The following ROBO1 variants were observed in gnomAD, a reference collection of about 807,000 sequenced individuals.
The protein encoded by ROBO1 is roundabout homolog 1.
In ROBO1, 149 loss-of-function variants were observed where a neutral mutation model predicts 195.9. The observed-to-expected ratio is 0.76, with a 90% confidence interval of 0.67 to 0.87. ROBO1 has a LOEUF of 0.87. Ranked by LOEUF, ROBO1 falls within the 40% of genes least tolerant of loss-of-function variation. The pLI, the probability that ROBO1 is intolerant of heterozygous loss-of-function variation, is 0.00. For missense variants in ROBO1, 1,933 were observed against 2,068.3 expected (o/e 0.93, Z 1.27); for synonymous variants, 816 against 733.2 (o/e 1.11, Z -1.82).
intron 4 of ROBO1, among the ~76,000 whole-genome samples, chr3:78,897,910 C>T (rs1197706321): frequency 2.0e-5 from 3 of 151,790 alleles, no homozygotes; most frequent in African/African-American, 7.2e-5. Flanking sequence ...TAATCTACAA[C>T]TTGCATAGTG....
intron 3 of ROBO1, among the ~76,000 whole-genome samples, chr3:78,980,674 A>ACAC (rs2076972201): frequency 1.3e-5 from 2 of 152,064 alleles, no homozygotes; most frequent in East Asian, 1.9e-4. Context: ...TCAGTTAAAA[A>ACAC]CACCACCACC....
intron 1 of ROBO1, among the ~76,000 whole-genome samples, chr3:79,736,127 T>C (rs1200461443): frequency 6.6e-6 from 1 of 152,192 alleles, no homozygotes; most frequent in African/African-American, 2.4e-5. Context: ...TGACATCCTC[T>C]CTGAGATCTG....
chr3:78,938,214 A>T (rs1421703367), intron 4 of ROBO1: 1 of 219,444 alleles, frequency 4.6e-6, no homozygotes, highest in East Asian at 1.2e-4. Context: ...GGTGCAGTAC[A>T]GCCCAGAACC....
At chr3:79,466,164 CA>C (rs1220585047) in intron 2 of ROBO1, among the ~76,000 whole-genome samples, 2 of 152,096 alleles carry the variant, frequency 1.3e-5, no homozygotes, top group East Asian at 3.9e-4. Context: ...GTATATTTGA[CA>C]AAATTTATCT....
intron 1 of ROBO1, among the ~76,000 whole-genome samples, chr3:79,732,400 T>C (rs1400671329): frequency 1.3e-5 from 2 of 152,110 alleles, no homozygotes; most frequent in African/African-American, 2.4e-5. Flanking sequence ...AAATTGTTAT[T>C]TTATGATAAG....
intron 4 of ROBO1, among the ~76,000 whole-genome samples, chr3:78,799,394 T>C (rs549331236): frequency 6.6e-6 from 1 of 152,182 alleles, no homozygotes; most frequent in South Asian, 2.1e-4. Flanking sequence ...CAGGCTGGAG[T>C]GCAGTGGCAC....
intron 2 of ROBO1, among the ~76,000 whole-genome samples, chr3:79,333,482 C>T (rs535122657): frequency 2.6e-5 from 4 of 152,190 alleles, no homozygotes; most frequent in African/African-American, 9.6e-5. Flanking sequence ...ATGTAAATCA[C>T]ACATATCCTT....
At chr3:79,312,640 C>T (rs1394374414) in intron 2 of ROBO1, among the ~76,000 whole-genome samples, 1 of 152,176 alleles carries the variant, frequency 6.6e-6, no homozygotes, top group African/African-American at 2.4e-5. Context: ...CTTTAGATGT[C>T]TTCAGGCCTC....
chr3:79,264,242 C>T (rs1448444463), intron 2 of ROBO1, among the ~76,000 whole-genome samples: 1 of 151,966 alleles, frequency 6.6e-6, no homozygotes, highest in South Asian at 2.1e-4. Flanking sequence ...AAATATTTCC[C>T]AGTACAATTC....
chr3:78,647,611 G>C lies in ROBO1; in HGVS notation c.2839+18C>G. On this transcript the variant is annotated intron_variant, in intron 20 of 30. Coordinates refer to ENST00000464233, the MANE Select transcript of ROBO1 (RefSeq NM_002941.4). The stretch of plus-strand genomic sequence containing the variant: ...CAAACTAACAATGGAAAGGAGGAGG[G>C]TAAGTGCAAATATATACCTGTTGGT... The C allele has an allele frequency of 1.2e-6, 2 of 1,607,998 alleles. No homozygotes were observed. The highest frequency in any genetic ancestry group is 1.7e-6 in the Non-Finnish European group (2 of 1,174,846).
chr3:79,320,902 G>A (rs1354372642), intron 2 of ROBO1, among the ~76,000 whole-genome samples: 1 of 152,044 alleles, frequency 6.6e-6, no homozygotes, highest in African/African-American at 2.4e-5. Flanking sequence ...GGTTACATTT[G>A]TCACCTCATA....
intron 2 of ROBO1, among the ~76,000 whole-genome samples, chr3:79,318,267 G>A (rs753929321): frequency 2.6e-5 from 4 of 152,152 alleles, no homozygotes; most frequent in Non-Finnish European, 5.9e-5. Context: ...GCTCCCTATG[G>A]TTCAGCAAAG....
chr3:78,733,090 G>A (rs1309075715), intron 5 of ROBO1, among the ~76,000 whole-genome samples: 1 of 152,112 alleles, frequency 6.6e-6, no homozygotes, highest in Non-Finnish European at 1.5e-5. Flanking sequence ...TTAAACAAAA[G>A]AATTGCAGAA....
intron 3 of ROBO1, among the ~76,000 whole-genome samples, chr3:79,099,283 G>T (rs2079630494): frequency 6.6e-6 from 1 of 151,438 alleles, no homozygotes. Flanking sequence ...TTACATATTG[G>T]GCACACAAAA....
chr3:79,636,303 AT>A (rs1195311035), intron 1 of ROBO1, among the ~76,000 whole-genome samples: 3 of 152,202 alleles, frequency 2.0e-5, no homozygotes, highest in South Asian at 4.1e-4. Flanking sequence ...ACTTAAATTT[AT>A]TCATAAGTGT....
At chr3:79,443,719 G>C (rs1423369633) in intron 2 of ROBO1, among the ~76,000 whole-genome samples, 1 of 152,094 alleles carries the variant, frequency 6.6e-6, no homozygotes, top group Admixed American at 6.6e-5. Flanking sequence ...GATAAGAATA[G>C]TACAAGGTGG....
intron 10 of ROBO1, among the ~76,000 whole-genome samples, chr3:78,679,311 G>A (rs1448554307): frequency 6.6e-6 from 1 of 152,054 alleles, no homozygotes; most frequent in Non-Finnish European, 1.5e-5. Flanking sequence ...ACCTAGTGTT[G>A]GAAGTTCTGG....
intron 2 of ROBO1, among the ~76,000 whole-genome samples, chr3:79,136,248 T>G (rs973890278): frequency 6.6e-6 from 1 of 152,166 alleles, no homozygotes; most frequent in African/African-American, 2.4e-5. Context: ...TATTTTTAAT[T>G]TTTAAATTGG....
chr3:79,604,183 T>A (rs1944417685), intron 1 of ROBO1, among the ~76,000 whole-genome samples: 1 of 151,962 alleles, frequency 6.6e-6, no homozygotes, highest in Non-Finnish European at 1.5e-5. Context: ...TTTAGGCAAG[T>A]TTGAGATACA....
Sources: allele counts gnomAD v4.1 joint callset (sites outside exome capture counted in the v4.1 genomes callset), GRCh38; gene constraint gnomAD v4.1.1; transcripts MANE v1.5; gene names NCBI Gene and HGNC (gene_info 2026-07-23, HGNC 2026-07-21).